Variants in LRP5 observed in about 807,000 individuals in gnomAD.
LRP5 encodes LDL receptor related protein 5.
In LRP5, 62 loss-of-function variants were observed where a neutral mutation model predicts 154.1. That is an observed-to-expected ratio of 0.40 (90% CI 0.33 to 0.50). The LOEUF is 0.50. Ranked by LOEUF, LRP5 falls within the 20% of genes least tolerant of loss-of-function variation. The probability of loss-of-function intolerance (pLI) is 0.55; values close to 1 mark genes in which losing one functional copy is unlikely to be tolerated. For synonymous variants in LRP5, 966 were observed against 1,011.5 expected (o/e 0.96, Z 0.85); for missense variants, 1,915 against 2,336.7 (o/e 0.82, Z 3.72).
intron 1 of LRP5, among the ~76,000 whole-genome samples, chr11:68,322,736 C>G (rs1285387830): frequency 6.6e-6 from 1 of 152,278 alleles, no homozygotes. Context: ...TCTTTTACCT[C>G]CTCTGGCTCG....
chr11:68,341,059 C>CTTTTTTTTTTTTTTT (rs576462333), intron 1 of LRP5, among the ~76,000 whole-genome samples: 3,018 of 82,950 alleles, frequency 0.036, 369 homozygotes, highest in Middle Eastern at 0.07. Flanking sequence ...GGAGATTGTT[C>CTTTTTTTTTTTTTTT]TTTTTTTTTT....
chr11:68,359,974 G>T (rs897242005), intron 3 of LRP5, among the ~76,000 whole-genome samples: 2 of 150,998 alleles, frequency 1.3e-5, no homozygotes, highest in Non-Finnish European at 3.0e-5. Flanking sequence ...TTTTTAGTAG[G>T]GACGGGGTTT....
chr11:68,436,911 C>T lies in LRP5; in HGVS notation c.4023C>T (p.Phe1341=), dbSNP rs1315042668. 1 of 1,613,716 alleles carries T rather than the reference C, an allele frequency of 6.2e-7. No individual in the cohort carries two copies. The highest frequency in any genetic ancestry group is 8.5e-7 in the Non-Finnish European group (1 of 1,179,952). Residue 1341 remains phenylalanine (F), a synonymous_variant, in exon 19 of 23, where the codon TTC becomes TTT. Transcript: ENST00000294304. ...CAGCCATCTGCCTGCCCAACCAGTT[C>T]CGGTGTGCGAGCGGCCAGTGTGTCC... ...DCDAICLPNQ[F]RCASGQCVLI... is the part of the protein sequence containing the mutation.
chr11:68,390,099 AC>A, intron 7 of LRP5, 47 bp downstream of exon 7: 1 of 1,603,748 alleles, frequency 6.2e-7, no homozygotes, highest in Non-Finnish European at 8.5e-7. Flanking sequence ...AGGCCCAGCC[AC>A]CCCCTGCAGC....
intron 17 of LRP5, among the ~76,000 whole-genome samples, chr11:68,432,337 T>C (rs2098672387): frequency 6.6e-6 from 1 of 152,206 alleles, no homozygotes; most frequent in Admixed American, 6.5e-5. Flanking sequence ...GTGTCCCCCA[T>C]GGCCAGGCAC....
Position 68,312,740 on chromosome 11 carries a change from C to T in LRP5, c.26C>T (p.Pro9Leu), listed in dbSNP as rs1174353023. The T allele has an allele frequency of 1.9e-6, 2 of 1,062,662 alleles. No homozygotes were observed. Among genetic ancestry groups the T allele is most frequent in the African/African-American group, 1.8e-5 (1 of 56,590 alleles). The allele number at this position is 1,062,662 out of a possible 1,614,324, so 65.8% of individuals were successfully genotyped here. Residue 9 changes from proline (P) to leucine (L), a missense_variant, in exon 1 of 23, where the codon CCG (proline) becomes CTG (leucine). Physicochemically the swap from Pro to Leu is moderately conservative, Grantham distance 98. Transcript: ENST00000294304. The stretch of plus-strand genomic sequence containing the variant: ...ATGGAGGCAGCGCCGCCCGGGCCGC[C>T]GTGGCCGCTGCTGCTGCTGCTGCTG... MEAAPPGPPWPLLLLLLLL... is the reference protein window; with the variant it reads MEAAPPGPLWPLLLLLLLL...
rs61582735 is a variant in LRP5 at position 68,415,746 on chromosome 11, C to CAAATGAATGAAT, written c.2828-582_2828-581insAAATGAATGAAT. On this transcript the variant is annotated intron_variant, in intron 12 of 22. Coordinates refer to ENST00000294304, the MANE Select transcript of LRP5 (RefSeq NM_002335.4). The stretch of plus-strand genomic sequence containing the variant: ...GGGCAACAAGAGCGAAACTCCATCT[C>CAAATGAATGAAT]GAATGAATGAATGAATGAATGAATG... 3.5e-4 allele frequency among the ~76,000 whole-genome samples: 24 copies of CAAATGAATGAAT among 68,790 alleles called. 6 individuals are homozygous for CAAATGAATGAAT. The highest frequency in any genetic ancestry group is 8.5e-4 in the African/African-American group (24 of 28,194). 45.1% of individuals were successfully genotyped at this position (68,790 alleles called of 152,430 possible).
upstream of LRP5, among the ~76,000 whole-genome samples, chr11:68,311,377 G>A (rs2098587730): frequency 1.3e-5 from 2 of 151,996 alleles, no homozygotes; most frequent in Non-Finnish European, 2.9e-5. Flanking sequence ...CTGCCCCAGC[G>A]CCTCCTCCGT....
upstream of LRP5, among the ~76,000 whole-genome samples, chr11:68,309,155 G>C (rs970364241): frequency 6.6e-6 from 1 of 151,686 alleles, no homozygotes. Flanking sequence ...GGATGGTCTC[G>C]ATCTCCTGAC....
At chr11:68,332,698 G>A (rs915530730) in intron 1 of LRP5, among the ~76,000 whole-genome samples, 11 of 152,212 alleles carry the variant, frequency 7.2e-5, no homozygotes, top group African/African-American at 2.2e-4. Context: ...ACTCTGGTGC[G>A]GTGGGATTCA....
chr11:68,409,089 T>TAC (rs1565086175), intron 9 of LRP5, among the ~76,000 whole-genome samples: 1,126 of 39,790 alleles, frequency 0.028, 116 homozygotes, highest in African/African-American at 0.074. Context: ...TATATATATA[T>TAC]ATATATACAC....
chr11:68,397,744 G>A (rs1170670447), intron 7 of LRP5, among the ~76,000 whole-genome samples: 1 of 152,226 alleles, frequency 6.6e-6, no homozygotes, highest in Non-Finnish European at 1.5e-5. Context: ...CTGAGTTGGG[G>A]TCTCCGTGCT....
At chr11:68,367,628 C>G (rs928001559) in intron 5 of LRP5, among the ~76,000 whole-genome samples, 2 of 152,164 alleles carry the variant, frequency 1.3e-5, no homozygotes, top group African/African-American at 4.8e-5. Context: ...CTGGACCCTG[C>G]GCTCTGCAGT....
At chr11:68,437,075 C>A in intron 19 of LRP5, 76 bp downstream of exon 19, 2 of 1,265,008 alleles carry the variant, frequency 1.6e-6, no homozygotes, top group East Asian at 2.3e-5. Flanking sequence ...GGGGAGGAGA[C>A]GTGCCTTTCC....
chr11:68,441,721 C>T (rs564197965), intron 21 of LRP5, among the ~76,000 whole-genome samples: 1 of 152,324 alleles, frequency 6.6e-6, no homozygotes, highest in African/African-American at 2.4e-5. Context: ...TGGCACTGAG[C>T]AGCCAGCTAA....
intron 1 of LRP5, among the ~76,000 whole-genome samples, chr11:68,332,942 G>C (rs950576594): frequency 1.3e-5 from 2 of 152,158 alleles, no homozygotes; most frequent in Non-Finnish European, 2.9e-5. Flanking sequence ...TTCTCTAAAA[G>C]GCAGAACATG....
In LRP5 at chr11:68,379,052, A is replaced by T. The variant is rs560223581; in HGVS notation, c.1016-7264A>T. Among the ~76,000 whole-genome samples, 157 of 152,278 alleles carry T rather than the reference A, an allele frequency of 1.0e-3. 3 individuals are homozygous for T. In the South Asian group the frequency reaches 0.02, roughly 20 times the overall value. Reference sequence around the variant, plus strand: ...CAGAGCGAGACTCTGTCTCAAAAAAAAAAATAAAAATAAAATAAATAAATA... The same window carrying T: ...CAGAGCGAGACTCTGTCTCAAAAAATAAAATAAAAATAAAATAAATAAATA... On this transcript the variant is annotated intron_variant, in intron 5 of 22. Transcript: ENST00000294304.
intron 7 of LRP5, among the ~76,000 whole-genome samples, chr11:68,390,592 C>T (rs558179314): frequency 3.3e-5 from 5 of 152,118 alleles, no homozygotes; most frequent in Admixed American, 6.5e-5. Flanking sequence ...GGTGCAGCCT[C>T]GCCCTGCTGC....
chr11:68,341,071 T>TTTTTTTTTTTTTTTTTTTTTTTTTTTTTA lies in LRP5; in HGVS notation c.92-6769_92-6768insTTTTTTTTTTTTTTTTTTTTTATTTTTTT, dbSNP rs1565329212. Among the ~76,000 whole-genome samples, 2 of 149,104 alleles carry TTTTTTTTTTTTTTTTTTTTTTTTTTTTTA rather than the reference T, an allele frequency of 1.3e-5. 1 individual carries two copies. The highest frequency in any genetic ancestry group is 3.0e-5 in the Non-Finnish European group (2 of 67,290). On this transcript the variant is annotated intron_variant, in intron 1 of 22. Transcript: ENST00000294304. Reference sequence around the variant, plus strand: ...GCTGGAGATTGTTCTTTTTTTTTTTTTTTTTTTGCTATTACAAATAAGGCC... The same window carrying TTTTTTTTTTTTTTTTTTTTTTTTTTTTTA: ...GCTGGAGATTGTTCTTTTTTTTTTTTTTTTTTTTTTTTTTTTTTTTTTTTTTTTATTTTTTTGCTATTACAAATAAGGCC...
Sources: gnomAD v4.1 joint callset for allele counts (sites outside exome capture counted in the v4.1 genomes callset) on GRCh38, gnomAD v4.1.1 for gene constraint, MANE v1.5 for transcripts, NCBI Gene and HGNC (gene_info 2026-07-23, HGNC 2026-07-21) for gene names.